Variants in DISP1 observed in about 807,000 individuals in gnomAD.
The protein encoded by DISP1 is dispatched RND transporter family member 1, also known as protein dispatched homolog 1.
Under a neutral mutation model 37.3 loss-of-function variants are expected in DISP1, and 30 were observed. The observed-to-expected ratio is 0.80, with a 90% CI of 0.60 to 1.09. The LOEUF is 1.09. DISP1 is among the 50% of genes least tolerant of loss of function. The pLI, the probability that DISP1 is intolerant of heterozygous loss-of-function variation, is 0.00. For synonymous variants in DISP1, 634 were observed against 690.2 expected (o/e 0.92, Z 1.28); for missense variants, 1,598 against 1,879.5 (o/e 0.85, Z 2.77).
At chr1:222,975,323 C>T (rs1180260576) in intron 3 of DISP1, among the ~76,000 whole-genome samples, 3 of 152,112 alleles carry the variant, frequency 2.0e-5, no homozygotes, top group Admixed American at 1.3e-4. Flanking sequence ...ACCGCACCCA[C>T]CTGAGACTGT....
intron 3 of DISP1, among the ~76,000 whole-genome samples, chr1:222,946,843 T>C (rs1674818221): frequency 6.6e-6 from 1 of 152,088 alleles, no homozygotes; most frequent in Non-Finnish European, 1.5e-5. Flanking sequence ...CCAGCATAGG[T>C]CAATATGGCT....
chr1:222,843,251 CAT>C (rs1667711063), intron 1 of DISP1, among the ~76,000 whole-genome samples: 2 of 151,860 alleles, frequency 1.3e-5, no homozygotes, highest in African/African-American at 4.8e-5. Flanking sequence ...ATTATGCCAA[CAT>C]AGAAGATTCT....
chr1:222,936,681 TATAAA>T lies in DISP1; in HGVS notation c.-17-6122_-17-6118del, dbSNP rs1673777271. The stretch of plus-strand genomic sequence containing the variant: ...TCATATATATGAGGTATATATAATA[TATAAA>T]ATATATGATATATATCATATATATT... On this transcript the variant is annotated intron_variant, in intron 2 of 8. Coordinates refer to ENST00000675850, the MANE Select transcript of DISP1 (RefSeq NM_001377229.1). 4.6e-5 allele frequency among the ~76,000 whole-genome samples: 5 copies of T among 107,674 alleles called. No individual in the cohort carries two copies. In the South Asian group the frequency reaches 1.3e-3, roughly 28 times the overall value. The allele number at this position is 107,674 out of a possible 152,430, so 70.6% of individuals were successfully genotyped here.
intron 4 of DISP1, 64 bp from the exon 5 acceptor site, chr1:222,990,561 G>A: frequency 6.2e-7 from 1 of 1,612,674 alleles, no homozygotes; most frequent in African/African-American, 1.3e-5. Flanking sequence ...GGCCTTCTTT[G>A]TGCCTTCTTT....
intron 1 of DISP1, among the ~76,000 whole-genome samples, chr1:222,833,465 CT>C (rs1453137080): frequency 1.3e-5 from 2 of 152,130 alleles, no homozygotes; most frequent in Non-Finnish European, 2.9e-5. Context: ...CCTTTGATCT[CT>C]GATACTGTTG....
At chr1:222,909,722 A>G (rs1672107652) in intron 1 of DISP1, among the ~76,000 whole-genome samples, 1 of 152,214 alleles carries the variant, frequency 6.6e-6, no homozygotes, top group African/African-American at 2.4e-5. Context: ...AAGGACCAGG[A>G]GGCGACCAGA....
chr1:222,874,043 G>T (rs936135339), intron 1 of DISP1, among the ~76,000 whole-genome samples: 4 of 152,130 alleles, frequency 2.6e-5, no homozygotes, highest in African/African-American at 9.7e-5. Flanking sequence ...AACTTAGTTT[G>T]GCTGGATATG....
chr1:222,919,379 G>T (rs564119653), intron 1 of DISP1, among the ~76,000 whole-genome samples: 25 of 152,192 alleles, frequency 1.6e-4, no homozygotes, highest in Non-Finnish European at 2.4e-4. Flanking sequence ...ATTGAAGCCT[G>T]TTAGCAATAA....
At chr1:222,836,428 G>A (rs1469081019) in intron 1 of DISP1, among the ~76,000 whole-genome samples, 1 of 152,032 alleles carries the variant, frequency 6.6e-6, no homozygotes, top group Non-Finnish European at 1.5e-5. Flanking sequence ...TTAACATCTG[G>A]GAGTGACTAT....
chr1:222,866,363 G>A (rs1259264321), intron 1 of DISP1, among the ~76,000 whole-genome samples: 4 of 150,958 alleles, frequency 2.6e-5, no homozygotes, highest in Admixed American at 2.0e-4. Context: ...GCTGTTGTTT[G>A]AGGCAGAGTC....
intron 1 of DISP1, among the ~76,000 whole-genome samples, chr1:222,864,030 G>A (rs1467908087): frequency 6.6e-6 from 1 of 152,230 alleles, no homozygotes; most frequent in Non-Finnish European, 1.5e-5. Context: ...TAATAGCATT[G>A]GCTCTAGACC....
chr1:222,869,638 A>C (rs1234377737), intron 1 of DISP1, among the ~76,000 whole-genome samples: 2 of 152,190 alleles, frequency 1.3e-5, no homozygotes. Flanking sequence ...AACTTTAAGG[A>C]TTAGTTGATA....
chr1:222,874,654 A>G, intron 1 of DISP1, among the ~76,000 whole-genome samples: 1 of 151,936 alleles, frequency 6.6e-6, no homozygotes, highest in East Asian at 1.9e-4. Flanking sequence ...CTAGTTATCC[A>G]TTCGTCTAAT....
At chr1:222,936,351 T>C (rs1435059177) in intron 2 of DISP1, among the ~76,000 whole-genome samples, 3 of 151,964 alleles carry the variant, frequency 2.0e-5, no homozygotes, top group Non-Finnish European at 4.4e-5. Context: ...ATTATCATAA[T>C]CCTGATAGCA....
chr1:222,888,973 A>G (rs1670794727), intron 1 of DISP1, among the ~76,000 whole-genome samples: 2 of 152,078 alleles, frequency 1.3e-5, no homozygotes, highest in South Asian at 2.1e-4. Flanking sequence ...TATACATATA[A>G]TGTATAGTGA....
chr1:222,990,632 G>A lies in DISP1; in HGVS notation c.547G>A (p.Ala183Thr). The A allele has an allele frequency of 6.2e-7, 1 of 1,614,018 alleles. No individual in the cohort carries two copies. Among genetic ancestry groups the A allele is most frequent in the Non-Finnish European group, 8.5e-7 (1 of 1,179,932 alleles). The change falls in exon 5 of 9, where the codon GCC (alanine) becomes ACC (threonine). Residue 183 changes from alanine (A) to threonine (T), a missense_variant. By Grantham distance (58) the Ala-to-Thr change is moderately conservative. Coordinates refer to ENST00000675850, the MANE Select transcript of DISP1 (RefSeq NM_001377229.1). ...RPFKLPKSYA[A>T]LIADWPVVVL... Reference sequence around the variant, plus strand: ...CTTCTTTGTGTTTTGTAGTTATGCAGCCCTGATAGCCGACTGGCCGGTGGT... The same window carrying A: ...CTTCTTTGTGTTTTGTAGTTATGCAACCCTGATAGCCGACTGGCCGGTGGT...
chr1:222,822,611 GC>G (rs1196770288), intron 1 of DISP1, among the ~76,000 whole-genome samples: 2 of 152,126 alleles, frequency 1.3e-5, no homozygotes, highest in African/African-American at 4.8e-5. Flanking sequence ...TTGATCATGA[GC>G]TAGAACAGCT....
At chr1:223,002,224 T>G (rs141325183) in intron 8 of DISP1, among the ~76,000 whole-genome samples, 161 bp from the exon 9 acceptor site, 1 of 152,292 alleles carries the variant, frequency 6.6e-6, no homozygotes, top group East Asian at 1.9e-4. Context: ...TAGGGGAAAT[T>G]TCACCCTGTA....
intron 1 of DISP1, among the ~76,000 whole-genome samples, chr1:222,852,541 C>T (rs1329259740): frequency 1.3e-5 from 2 of 152,020 alleles, no homozygotes; most frequent in African/African-American, 2.4e-5. Context: ...TCATCATTCA[C>T]ATGAATCATC....
Sources: allele counts gnomAD v4.1 joint callset (sites outside exome capture counted in the v4.1 genomes callset), GRCh38; gene constraint gnomAD v4.1.1; transcripts MANE v1.5; gene names NCBI Gene and HGNC (gene_info 2026-07-23, HGNC 2026-07-21).